Variants in BCL2L11 observed in about 807,000 individuals in gnomAD.
BCL2L11 encodes BCL2 like 11.
BCL2L11 carries 15 observed loss-of-function variants against 20.6 expected under a neutral mutation model. The ratio of observed to expected loss-of-function variants is 0.73; its 90% CI spans 0.49 to 1.12. The LOEUF (loss-of-function observed/expected upper bound fraction) is 1.12, where lower values mean the gene tolerates loss of function less well. BCL2L11 is among the 50% of genes most tolerant of loss of function. The probability of loss-of-function intolerance (pLI) is 0.00; values close to 1 mark genes in which losing one functional copy is unlikely to be tolerated. For synonymous variants in BCL2L11, 108 were observed against 92.8 expected (o/e 1.16, Z -0.94); for missense variants, 292 against 260.9 (o/e 1.12, Z -0.82).
intron 3 of BCL2L11, among the ~76,000 whole-genome samples, chr2:111,155,770 TA>T (rs1355352237): frequency 6.6e-6 from 1 of 152,204 alleles, no homozygotes; most frequent in Non-Finnish European, 1.5e-5. Flanking sequence ...CAGCAGTGAA[TA>T]AAAACCCTTT....
intron 2 of BCL2L11, among the ~76,000 whole-genome samples, chr2:111,135,621 A>G (rs555385092): frequency 6.6e-6 from 1 of 151,812 alleles, no homozygotes; most frequent in Non-Finnish European, 1.5e-5. Flanking sequence ...TAGATGGGAG[A>G]GTTCTCTTTT....
In BCL2L11 at chr2:111,125,909, A is replaced by G. The variant is rs147906800; in HGVS notation, c.394+1770A>G. ...TGTACTCATGAAAATGCTCCCCCATATATATGATCATTCTCGCTTACTATA... is the reference window on the plus strand; with the variant it reads ...TGTACTCATGAAAATGCTCCCCCATGTATATGATCATTCTCGCTTACTATA... On this transcript the variant is annotated intron_variant, in intron 2 of 3. Transcript: ENST00000393256. Among the ~76,000 whole-genome samples, 204 of 152,242 alleles carry G rather than the reference A, an allele frequency of 1.3e-3. 3 individuals carry two copies. The highest frequency in any genetic ancestry group is 4.6e-3 in the African/African-American group (190 of 41,562).
At chr2:111,130,504 A>G (rs1168838225) in intron 2 of BCL2L11, among the ~76,000 whole-genome samples, 1 of 152,174 alleles carries the variant, frequency 6.6e-6, no homozygotes, top group Non-Finnish European at 1.5e-5. Flanking sequence ...CCTTAATTCT[A>G]AGAGTTTTTC....
intron 3 of BCL2L11, among the ~76,000 whole-genome samples, chr2:111,152,695 T>C (rs1486905711): frequency 6.6e-6 from 1 of 152,240 alleles, no homozygotes; most frequent in Admixed American, 6.5e-5. Context: ...TTGTCTTTGT[T>C]ACCTTGCCTC....
rs1000276609 is a variant in BCL2L11 at position 111,162,194 on chromosome 2, G to A, written c.499-1939G>A. Among the ~76,000 whole-genome samples the A allele has an allele frequency of 8.5e-5, 13 of 152,318 alleles. No homozygotes were observed. The South Asian group carries it at 2.3e-3, about 27-fold the overall frequency. On this transcript the variant is annotated intron_variant, in intron 3 of 3. Coordinates refer to ENST00000393256, the MANE Select transcript of BCL2L11 (RefSeq NM_138621.5). ...TGTCAAATGCTTTCTGGGCTGGCAC[G>A]GCTCTTTGAATCCGTGGTAATGGCT...
In BCL2L11 at chr2:111,167,072, C is replaced by T. The variant is rs2079058900; in HGVS notation, c.*2841C>T. ...TGATGTGTCCTACTGTTTCATAATG[C>T]TGTAACTTGTAGAAATATTGTATAT... is the stretch of plus-strand genomic sequence containing the variant. On this transcript the variant is annotated 3_prime_UTR_variant, in exon 4 of 4. Transcript: ENST00000393256. 1 of 152,522 alleles carries T rather than the reference C, an allele frequency of 6.6e-6. No individual in the cohort carries two copies. The highest frequency in any genetic ancestry group is 2.4e-5 in the African/African-American group (1 of 41,398). 9.4% of individuals were successfully genotyped at this position (152,522 alleles called of 1,614,324 possible).
chr2:111,133,083 A>G (rs1365396925), intron 2 of BCL2L11, among the ~76,000 whole-genome samples: 1 of 152,314 alleles, frequency 6.6e-6, no homozygotes, highest in Admixed American at 6.5e-5. Flanking sequence ...ACTTATGCAA[A>G]TAACTATATT....
At chr2:111,122,205 T>C (rs2071179892) in intron 1 of BCL2L11, among the ~76,000 whole-genome samples, 1 of 152,048 alleles carries the variant, frequency 6.6e-6, no homozygotes, top group African/African-American at 2.4e-5. Context: ...GCCGTTAGGG[T>C]CTGCCCCCGA....
chr2:111,125,714 G>A (rs1426398525), intron 2 of BCL2L11, among the ~76,000 whole-genome samples: 1 of 151,612 alleles, frequency 6.6e-6, no homozygotes, highest in Admixed American at 6.5e-5. Flanking sequence ...GGGGAGAAAT[G>A]ACAGACATCC....
chr2:111,161,409 T>C (rs924869290), intron 3 of BCL2L11: 3 of 1,550,544 alleles, frequency 1.9e-6, no homozygotes, highest in Non-Finnish European at 2.6e-6. Flanking sequence ...AATGCACTTT[T>C]GATTCACAGA....
chr2:111,147,052 A>T (rs1265926286), intron 2 of BCL2L11, among the ~76,000 whole-genome samples: 1 of 152,152 alleles, frequency 6.6e-6, no homozygotes, highest in Non-Finnish European at 1.5e-5. Context: ...TGCAAAATGT[A>T]ATTTATAGTA....
chr2:111,155,445 A>G (rs1466565098), intron 3 of BCL2L11, among the ~76,000 whole-genome samples: 1 of 152,166 alleles, frequency 6.6e-6, no homozygotes, highest in Non-Finnish European at 1.5e-5. Flanking sequence ...CTGGAAGGAT[A>G]GTGTCTACTT....
intron 2 of BCL2L11, chr2:111,131,392 G>A (rs1388510796): frequency 5.9e-5 from 9 of 152,180 alleles, no homozygotes; most frequent in African/African-American, 2.2e-4. Flanking sequence ...ATTTATGAAT[G>A]TGAAAAGTAT....
At chr2:111,132,306 A>G (rs898135094) in intron 2 of BCL2L11, 2 of 152,246 alleles carry the variant, frequency 1.3e-5, no homozygotes, top group African/African-American at 4.8e-5. Flanking sequence ...CACAAAGATT[A>G]TAATGAAAAA....
chr2:111,160,088 A>T (rs1457773117), intron 3 of BCL2L11, among the ~76,000 whole-genome samples: 1 of 152,232 alleles, frequency 6.6e-6, no homozygotes, highest in Non-Finnish European at 1.5e-5. Flanking sequence ...TACTGAGATT[A>T]TCTTTACTGA....
At chr2:111,163,829 C>T (rs1278845787) in intron 3 of BCL2L11, among the ~76,000 whole-genome samples, 2 of 148,544 alleles carry the variant, frequency 1.3e-5, no homozygotes, top group Admixed American at 6.7e-5. Flanking sequence ...GCTTTACATC[C>T]TCTTTGAGTT....
chr2:111,153,836 C>T, intron 3 of BCL2L11: 2 of 1,551,824 alleles, frequency 1.3e-6, no homozygotes, highest in Non-Finnish European at 1.7e-6. Flanking sequence ...CACTTAAGGG[C>T]AGTGGGGAAG....
intron 2 of BCL2L11, among the ~76,000 whole-genome samples, chr2:111,138,165 C>T (rs907062427): frequency 1.3e-4 from 20 of 151,904 alleles, no homozygotes; most frequent in Non-Finnish European, 5.9e-5. Context: ...CCCACCACGA[C>T]GCCTGGCTAA....
chr2:111,137,196 T>A (rs2075048800), intron 2 of BCL2L11, among the ~76,000 whole-genome samples: 2 of 152,238 alleles, frequency 1.3e-5, no homozygotes, highest in Admixed American at 1.3e-4. Context: ...CTGTACATTC[T>A]GATGCCTTGC....
Sources: allele counts gnomAD v4.1 joint callset (sites outside exome capture counted in the v4.1 genomes callset), GRCh38; gene constraint gnomAD v4.1.1; transcripts MANE v1.5; gene names NCBI Gene and HGNC (gene_info 2026-07-23, HGNC 2026-07-21).